The following CPLX1 variants were observed in gnomAD, a reference collection of about 807,000 sequenced individuals.
CPLX1 encodes the protein complexin-1.
In CPLX1, 6 loss-of-function variants were observed where a neutral mutation model predicts 15.6. That is an observed-to-expected ratio of 0.39 (90% CI 0.21 to 0.76). The LOEUF is 0.76. Among genes scored for constraint, CPLX1 ranks in the 30% least tolerant of loss-of-function variants. CPLX1 has a pLI of 0.43. For missense variants in CPLX1, 242 were observed against 188.6 expected, an observed-to-expected ratio of 1.28 and a Z score of -1.66; for synonymous variants, 91 against 75.2, an observed-to-expected ratio of 1.21 and a Z score of -1.08.
chr4:823,523 C>T (rs532952870), intron 2 of CPLX1, among the ~76,000 whole-genome samples: 4 of 152,330 alleles, frequency 2.6e-5, no homozygotes, highest in East Asian at 1.9e-4. Context: ...GGGTGCTCCC[C>T]CGTGGAGGCC....
chr4:824,681 C>G (rs768868036), intron 1 of CPLX1, 80 bp from the exon 2 acceptor site: 2 of 799,338 alleles, frequency 2.5e-6, no homozygotes, highest in East Asian at 2.5e-5. Flanking sequence ...ATTCCTTACC[C>G]GCAATACCTT....
chr4:800,754 T>TATATAC (rs1491212776), intron 2 of CPLX1, among the ~76,000 whole-genome samples: 1 of 129,694 alleles, frequency 7.7e-6, no homozygotes, highest in Admixed American at 8.1e-5. Context: ...TATATATATA[T>TATATAC]ACACACACAT....
chr4:801,380 C>G lies in CPLX1; in HGVS notation c.32-8772G>C, dbSNP rs80312908. 2.0e-3 allele frequency among the ~76,000 whole-genome samples: 310 copies of G among 152,128 alleles called. 4 individuals carry two copies. The East Asian group carries it at 0.028, about 14-fold the overall frequency. The stretch of plus-strand genomic sequence containing the variant: ...ACAAAAAACTCTTACAACTCAATAA[C>G]AGGAACACAAACAACCTGATTTTTA... On this transcript the variant is annotated intron_variant, in intron 2 of 3. Transcript: ENST00000304062.
chr4:820,967 C>A (rs1215783984), intron 2 of CPLX1, among the ~76,000 whole-genome samples: 1 of 152,308 alleles, frequency 6.6e-6, no homozygotes, highest in South Asian at 2.1e-4. Context: ...GTCCACGAGA[C>A]ACTTCTCGTC....
intron 2 of CPLX1, among the ~76,000 whole-genome samples, chr4:823,616 G>A (rs187232492): frequency 1.3e-5 from 2 of 152,330 alleles, no homozygotes; most frequent in East Asian, 3.9e-4. Flanking sequence ...TGGTGCTGGG[G>A]GAACACAGGA....
At chr4:822,309 C>G (rs1444736581) in intron 2 of CPLX1, among the ~76,000 whole-genome samples, 1 of 151,522 alleles carries the variant, frequency 6.6e-6, no homozygotes, top group Non-Finnish European at 1.5e-5. Context: ...CTCTGTATCC[C>G]TCTGTCTCTC....
At chr4:800,774 C>G (rs1746439543) in intron 2 of CPLX1, among the ~76,000 whole-genome samples, 1 of 146,826 alleles carries the variant, frequency 6.8e-6, no homozygotes, top group African/African-American at 2.5e-5. Flanking sequence ...TATACACACA[C>G]AGACACATAT....
At chr4:790,886 G>A (rs1489465794) in intron 3 of CPLX1, among the ~76,000 whole-genome samples, 2 of 151,504 alleles carry the variant, frequency 1.3e-5, no homozygotes, top group African/African-American at 4.9e-5. Flanking sequence ...CTCTCTCTGT[G>A]CCTGTCTCTC....
chr4:809,357 C>A (rs912696143), intron 2 of CPLX1, among the ~76,000 whole-genome samples: 1 of 152,198 alleles, frequency 6.6e-6, no homozygotes, highest in Non-Finnish European at 1.5e-5. Flanking sequence ...AGAAAGGGGC[C>A]CTATGGCTGC....
At chr4:793,229 CAG>C (rs1373073400) in intron 2 of CPLX1, among the ~76,000 whole-genome samples, 12 of 152,106 alleles carry the variant, frequency 7.9e-5, no homozygotes, top group Non-Finnish European at 1.2e-4. Flanking sequence ...GGCTGGCTGT[CAG>C]AGGCAAGGTC....
intron 3 of CPLX1, chr4:787,581 G>A: frequency 1.3e-6 from 1 of 756,038 alleles, no homozygotes; most frequent in Non-Finnish European, 1.6e-6. Context: ...GCATACGAAA[G>A]CGGAGGAGGT....
Position 786,391 on chromosome 4 carries a change from A to G in CPLX1, c.*110T>C. 12 of 1,223,590 alleles carry G rather than the reference A, an allele frequency of 9.8e-6. No homozygotes were observed. Among genetic ancestry groups the G allele is most frequent in the Non-Finnish European group, 8.7e-6 (8 of 915,030 alleles). The allele number at this position is 1,223,590 out of a possible 1,614,324, so 75.8% of individuals were successfully genotyped here. A position where few individuals can be genotyped will look rare whatever the true frequency, so the allele number is the denominator to read the frequency against. On this transcript the variant is annotated 3_prime_UTR_variant, in exon 4 of 4. Transcript: ENST00000304062. Reference sequence around the variant, plus strand: ...GCGCGGGCAGGGCGGGCCTGGGGCTATGGCTTATATCGGCGTGGGGGCTGC... The same window carrying G: ...GCGCGGGCAGGGCGGGCCTGGGGCTGTGGCTTATATCGGCGTGGGGGCTGC...
Position 797,367 on chromosome 4 carries a change from G to A in CPLX1, c.32-4759C>T, listed in dbSNP as rs541959492. Among the ~76,000 whole-genome samples, 10 of 152,244 alleles carry A rather than the reference G, an allele frequency of 6.6e-5. No homozygotes were observed. The East Asian group carries it at 1.8e-3, about 27-fold the overall frequency. ...GCTCAGCAAATAGTCTAGCTCTGTC[G>A]CCCAAGCTAGAGTGCAGTGGCAGGA... is the stretch of plus-strand genomic sequence containing the variant. On this transcript the variant is annotated intron_variant, in intron 2 of 3. Coordinates refer to ENST00000304062, the MANE Select transcript of CPLX1 (RefSeq NM_006651.4).
chr4:795,814 G>T (rs1279739073), intron 2 of CPLX1, among the ~76,000 whole-genome samples: 1 of 151,258 alleles, frequency 6.6e-6, no homozygotes, highest in Non-Finnish European at 1.5e-5. Flanking sequence ...GTGGGGGGGG[G>T]GTGCAGATCG....
intron 1 of CPLX1, among the ~76,000 whole-genome samples, chr4:825,735 C>T (rs1244760032): frequency 1.3e-5 from 2 of 149,374 alleles, no homozygotes; most frequent in Admixed American, 6.6e-5. Flanking sequence ...CCGGACCCCG[C>T]GCGCGCGGAG....
At chr4:788,236 T>C (rs1746060616) in intron 3 of CPLX1, 1 of 985,016 alleles carries the variant, frequency 1.0e-6, no homozygotes, top group South Asian at 4.7e-5. Flanking sequence ...AGGAGGCCCC[T>C]CCTTCCTCCC....
intron 2 of CPLX1, among the ~76,000 whole-genome samples, chr4:819,152 C>T (rs373362497): frequency 1.7e-4 from 26 of 152,372 alleles, no homozygotes; most frequent in East Asian, 3.9e-4. Context: ...AGTCCTGTCA[C>T]GCAGGAGCTA....
At chr4:816,213 ATTTTTTTTTT>A (rs34183163) in intron 2 of CPLX1, among the ~76,000 whole-genome samples, 1 of 115,036 alleles carries the variant, frequency 8.7e-6, no homozygotes, top group Non-Finnish European at 1.7e-5. Flanking sequence ...TCTCCGTGAA[ATTTTTTTTTT>A]TTTTTTTTTT....
intron 2 of CPLX1, among the ~76,000 whole-genome samples, chr4:820,146 CCG>C: frequency 6.6e-6 from 1 of 151,684 alleles, no homozygotes; most frequent in African/African-American, 2.4e-5. Context: ...TGCAGCTCCA[CCG>C]TCCTCCCGGA....
Sources: allele counts gnomAD v4.1 joint callset (sites outside exome capture counted in the v4.1 genomes callset), GRCh38; gene constraint gnomAD v4.1.1; transcripts MANE v1.5; gene names NCBI Gene and HGNC (gene_info 2026-07-23, HGNC 2026-07-21).